Variants in CUX2 observed in about 807,000 individuals in gnomAD.
The protein encoded by CUX2 is cut like homeobox 2, also known as homeobox protein cut-like 2.
A neutral mutation model predicts 144.8 loss-of-function variants in CUX2; 40 were observed. The ratio of observed to expected loss-of-function variants is 0.28; its 90% CI spans 0.21 to 0.36. The LOEUF is 0.36. Ranked by LOEUF, CUX2 falls within the 10% of genes least tolerant of loss-of-function variation. The pLI is 1.00. For synonymous variants in CUX2, 827 were observed against 875.6 expected (o/e 0.94, Z 0.98); for missense variants, 1,615 against 1,994.0 (o/e 0.81, Z 3.62).
chr12:111,261,340 C>T (rs1372894056), intron 3 of CUX2, among the ~76,000 whole-genome samples: 2 of 152,130 alleles, frequency 1.3e-5, no homozygotes, highest in East Asian at 1.9e-4. Context: ...AGTAAACGGT[C>T]GATGCCATTT....
chr12:111,177,680 C>T (rs1451779469), intron 1 of CUX2, among the ~76,000 whole-genome samples: 1 of 152,222 alleles, frequency 6.6e-6, no homozygotes, highest in Non-Finnish European at 1.5e-5. Flanking sequence ...CGTGAGCCAC[C>T]GTGCCCAGCC....
In CUX2 at chr12:111,217,914, G is replaced by A. The variant is rs1237863882; in HGVS notation, c.199G>A (p.Val67Ile). 2 of 1,614,070 alleles carry A rather than the reference G, an allele frequency of 1.2e-6. No individual in the cohort carries two copies. The highest frequency in any genetic ancestry group is 1.7e-6 in the Non-Finnish European group (2 of 1,180,036). ...GGAAATCAGAGAGATGGTGGCTCCTGTATTAAAAAGCTTCCAAGCCGAGGT... is the reference window on the plus strand; with the variant it reads ...GGAAATCAGAGAGATGGTGGCTCCTATATTAAAAAGCTTCCAAGCCGAGGT... ...PEEIREMVAP[V>I]LKSFQAEVVA... is the part of the protein sequence containing the mutation. Residue 67 changes from valine to isoleucine, a missense_variant, in exon 3 of 22, where the codon GTA (valine) becomes ATA (isoleucine). Transcript: ENST00000261726.
chr12:111,044,554 CAG>C (rs1289671182), intron 1 of CUX2, among the ~76,000 whole-genome samples: 4 of 152,234 alleles, frequency 2.6e-5, no homozygotes, highest in African/African-American at 7.2e-5. Context: ...ACCACCTCCT[CAG>C]AGAAGTCCTC....
intron 1 of CUX2, among the ~76,000 whole-genome samples, chr12:111,162,110 G>A (rs1300967430): frequency 6.6e-6 from 1 of 152,192 alleles, no homozygotes; most frequent in Non-Finnish European, 1.5e-5. Flanking sequence ...GAAAGCTGAG[G>A]CCCAGAGAGA....
chr12:111,123,561 G>A (rs935349081), intron 1 of CUX2, among the ~76,000 whole-genome samples: 1 of 151,674 alleles, frequency 6.6e-6, no homozygotes. Flanking sequence ...TTTGAGACAG[G>A]GTCTCACTGT....
rs1415365109 is a variant in CUX2 at position 111,327,381 on chromosome 12, A to G, written c.2926+4801A>G. ...TGAACCCCCATTTTCAGTTCTTCGA[A>G]CATATATCTAGGAGTACAGTTGGCT... On this transcript the variant is annotated intron_variant, in intron 18 of 21. Coordinates refer to ENST00000261726, the MANE Select transcript of CUX2 (RefSeq NM_015267.4). Among the ~76,000 whole-genome samples the G allele has an allele frequency of 2.6e-5, 4 of 152,320 alleles. No homozygotes were observed. The East Asian group carries it at 7.7e-4, about 29-fold the overall frequency.
chr12:111,188,462 G>A (rs1316362311), intron 1 of CUX2, among the ~76,000 whole-genome samples: 5 of 152,190 alleles, frequency 3.3e-5, no homozygotes, highest in East Asian at 1.9e-4. Flanking sequence ...ACCAGGGGCC[G>A]AGGGAGAGGA....
At chr12:111,091,211 G>A (rs558796733) in intron 1 of CUX2, among the ~76,000 whole-genome samples, 4 of 152,328 alleles carry the variant, frequency 2.6e-5, no homozygotes, top group South Asian at 2.1e-4. Context: ...CCAGGTGAGC[G>A]GGCACCATGG....
chr12:111,101,373 TA>T (rs1186157343), intron 1 of CUX2, among the ~76,000 whole-genome samples: 1 of 152,122 alleles, frequency 6.6e-6, no homozygotes. Context: ...TGTGACCCCC[TA>T]CAGCCGCTTC....
intron 20 of CUX2, 72 bp from the exon 21 acceptor site, chr12:111,341,708 G>C: frequency 6.7e-7 from 1 of 1,495,424 alleles, no homozygotes; most frequent in Non-Finnish European, 8.9e-7. Flanking sequence ...TCCCACCATG[G>C]AACTCCTGCT....
At chr12:111,259,909 T>A (rs1363275955) in intron 3 of CUX2, among the ~76,000 whole-genome samples, 2 of 151,802 alleles carry the variant, frequency 1.3e-5, no homozygotes, top group African/African-American at 4.8e-5. Flanking sequence ...AATATAAAAA[T>A]TATTGGCTTT....
intron 1 of CUX2, among the ~76,000 whole-genome samples, chr12:111,050,798 C>T (rs1289458686): frequency 1.3e-5 from 2 of 152,180 alleles, no homozygotes; most frequent in African/African-American, 2.4e-5. Context: ...ACCACAGCAG[C>T]AAGTGAGGTT....
chr12:111,118,879 CT>C (rs1237658852), intron 1 of CUX2, among the ~76,000 whole-genome samples: 1 of 152,182 alleles, frequency 6.6e-6, no homozygotes, highest in African/African-American at 2.4e-5. Context: ...TTTTTCTAAG[CT>C]TTCCCACCAA....
chr12:111,241,948 AGTT>A (rs1883039329), intron 3 of CUX2, among the ~76,000 whole-genome samples: 1 of 152,394 alleles, frequency 6.6e-6, no homozygotes, highest in East Asian at 1.9e-4. Flanking sequence ...ATGGGCTGAT[AGTT>A]TGAAAAGTCA....
chr12:111,064,163 A>C (rs1263646037), intron 1 of CUX2, among the ~76,000 whole-genome samples: 8 of 152,134 alleles, frequency 5.3e-5, no homozygotes, highest in Non-Finnish European at 1.2e-4. Flanking sequence ...GGGCCTTCCA[A>C]GCTTGTAGAG....
intron 1 of CUX2, among the ~76,000 whole-genome samples, chr12:111,109,954 C>A (rs538358362): frequency 6.6e-6 from 1 of 152,282 alleles, no homozygotes; most frequent in African/African-American, 2.4e-5. Context: ...TAGCTCACTG[C>A]ATCCTCCAAC....
At chr12:111,156,651 A>C (rs1450181649) in intron 1 of CUX2, among the ~76,000 whole-genome samples, 1 of 152,180 alleles carries the variant, frequency 6.6e-6, no homozygotes, top group Non-Finnish European at 1.5e-5. Context: ...GGTGAGCCCA[A>C]AGCACAACCT....
At chr12:111,120,503 G>A (rs559847208) in intron 1 of CUX2, among the ~76,000 whole-genome samples, 15 of 152,170 alleles carry the variant, frequency 9.9e-5, no homozygotes, top group African/African-American at 3.6e-4. Context: ...CCCCACTCCT[G>A]GGAGTTGTTG....
chr12:111,199,131 A>G (rs1412847291), intron 1 of CUX2, among the ~76,000 whole-genome samples: 1 of 152,180 alleles, frequency 6.6e-6, no homozygotes, highest in Non-Finnish European at 1.5e-5. Flanking sequence ...CAAAGGCGGC[A>G]GTGGGAGTGG....
Sources: gnomAD v4.1 joint callset for allele counts (sites outside exome capture counted in the v4.1 genomes callset) on GRCh38, gnomAD v4.1.1 for gene constraint, MANE v1.5 for transcripts, NCBI Gene and HGNC (gene_info 2026-07-23, HGNC 2026-07-21) for gene names.